Variants in CAMK2D observed in about 807,000 individuals in gnomAD.
The protein encoded by CAMK2D is calcium/calmodulin-dependent protein kinase type II subunit delta.
In CAMK2D, 37 loss-of-function variants were observed where a neutral mutation model predicts 84.0. The observed-to-expected ratio is 0.44, with a 90% CI of 0.34 to 0.58. CAMK2D has a LOEUF of 0.58. Among genes scored for constraint, CAMK2D ranks in the 20% least tolerant of loss-of-function variants. CAMK2D has a pLI of 0.02. For synonymous variants in CAMK2D, 202 were observed against 212.5 expected (o/e 0.95, Z 0.43); for missense variants, 448 against 652.5 (o/e 0.69, Z 3.41).
At chr4:113,740,567 T>A (rs1050938745) in intron 2 of CAMK2D, among the ~76,000 whole-genome samples, 3 of 151,996 alleles carry the variant, frequency 2.0e-5, no homozygotes, top group Non-Finnish European at 2.9e-5. Context: ...GACTCTTGAT[T>A]TCCCATTCCA....
rs555533507 is a variant in CAMK2D, at chr4:113,467,069, C to T, written c.1136-1465G>A. The stretch of plus-strand genomic sequence containing the variant: ...ATAAACTTTTCTTGATTTCAGAACA[C>T]TGTTCTCTTATTTATAAAATTACTG... On this transcript the variant is annotated intron_variant, in intron 16 of 20. Coordinates refer to ENST00000511664, the MANE Select transcript of CAMK2D (RefSeq NM_001321571.2). Among the ~76,000 whole-genome samples the T allele has an allele frequency of 3.9e-5, 6 of 152,308 alleles. No homozygotes were observed. The East Asian group carries it at 1.2e-3, about 29-fold the overall frequency.
At chr4:113,649,975 G>A (rs78571827) in intron 3 of CAMK2D, among the ~76,000 whole-genome samples, 10,459 of 152,080 alleles carry the variant, frequency 0.069, 568 homozygotes, top group East Asian at 0.22. Flanking sequence ...CCAGCTACTC[G>A]GGAGGCTGAG....
At chr4:113,552,720 A>G (rs1473227514) in intron 4 of CAMK2D, among the ~76,000 whole-genome samples, 1 of 152,216 alleles carries the variant, frequency 6.6e-6, no homozygotes, top group Non-Finnish European at 1.5e-5. Flanking sequence ...GCGTACATAC[A>G]TGCGTGCACA....
intron 2 of CAMK2D, among the ~76,000 whole-genome samples, chr4:113,668,157 T>C (rs932773769): frequency 1.3e-5 from 2 of 152,116 alleles, no homozygotes; most frequent in Non-Finnish European, 2.9e-5. Flanking sequence ...GAACCAAGCC[T>C]CTACTTCATT....
intron 4 of CAMK2D, among the ~76,000 whole-genome samples, chr4:113,553,812 T>C (rs2098646191): frequency 6.6e-6 from 1 of 152,194 alleles, no homozygotes; most frequent in Non-Finnish European, 1.5e-5. Flanking sequence ...AATAAGGCAA[T>C]CACACAATGT....
chr4:113,748,931 C>G (rs78470393), intron 2 of CAMK2D, among the ~76,000 whole-genome samples: 2,192 of 151,458 alleles, frequency 0.014, 42 homozygotes, highest in African/African-American at 0.05. Context: ...AATTCTATAC[C>G]TAACAAATAT....
chr4:113,600,699 C>A (rs1340361389), intron 4 of CAMK2D, among the ~76,000 whole-genome samples: 1 of 152,124 alleles, frequency 6.6e-6, no homozygotes, highest in East Asian at 1.9e-4. Context: ...GTGGCATAAT[C>A]TTGTCTCACT....
chr4:113,578,561 T>C (rs933771260), intron 4 of CAMK2D, among the ~76,000 whole-genome samples: 1 of 152,232 alleles, frequency 6.6e-6, no homozygotes, highest in Non-Finnish European at 1.5e-5. Context: ...CAGCTAGTTT[T>C]GCTCGTTTGG....
chr4:113,609,304 G>A lies in CAMK2D; in HGVS notation c.221-98C>T, dbSNP rs149258820. On this transcript the variant is annotated intron_variant, in intron 3 of 20. Transcript: ENST00000511664. ...GGACATATGTCTCCTAGCTAGAAAT[G>A]TTGGCATTACATTTTATTTTAGCCT... 1.6e-4 allele frequency: 114 copies of A among 705,710 alleles called. 1 individual carries two copies. The East Asian group carries it at 1.8e-3, about 11-fold the overall frequency. The allele number at this position is 705,710 out of a possible 1,614,324, so 43.7% of individuals were successfully genotyped here.
intron 13 of CAMK2D, among the ~76,000 whole-genome samples, chr4:113,507,669 G>GAATC (rs1371946625): frequency 6.6e-5 from 10 of 152,026 alleles, no homozygotes; most frequent in African/African-American, 2.4e-4. Context: ...AAAAAATCAT[G>GAATC]AATCAATCAA....
chr4:113,593,299 T>C (rs534950684), intron 4 of CAMK2D, among the ~76,000 whole-genome samples: 3 of 152,296 alleles, frequency 2.0e-5, no homozygotes, highest in Admixed American at 6.5e-5. Context: ...AGATCTGCCA[T>C]AGAAGTGAGT....
At chr4:113,714,895 C>T (rs754410742) in intron 2 of CAMK2D, among the ~76,000 whole-genome samples, 1 of 152,040 alleles carries the variant, frequency 6.6e-6, no homozygotes, top group African/African-American at 2.4e-5. Flanking sequence ...TTTTACCTTC[C>T]CTACATTATC....
intron 16 of CAMK2D, among the ~76,000 whole-genome samples, chr4:113,476,113 G>A (rs1414219786): frequency 6.6e-6 from 1 of 152,138 alleles, no homozygotes; most frequent in Non-Finnish European, 1.5e-5. Flanking sequence ...TGATATGTCA[G>A]GAGTATGTTG....
intron 4 of CAMK2D, among the ~76,000 whole-genome samples, chr4:113,568,441 G>A (rs139210952): frequency 1.1e-4 from 16 of 152,270 alleles, no homozygotes; most frequent in African/African-American, 3.9e-4. Flanking sequence ...ATATTGCATC[G>A]TATGTACAGG....
intron 4 of CAMK2D, among the ~76,000 whole-genome samples, chr4:113,591,581 T>TATTTTAAAAAATCAGGATCAC (rs1243094936): frequency 6.6e-6 from 1 of 152,154 alleles, no homozygotes; most frequent in Non-Finnish European, 1.5e-5. Flanking sequence ...CCCTTAACTC[T>TATTTTAAAAAATCAGGATCAC]ATTTTAAAAA....
chr4:113,527,446 T>A (rs1254440099), intron 8 of CAMK2D, among the ~76,000 whole-genome samples: 1 of 152,080 alleles, frequency 6.6e-6, no homozygotes, highest in Non-Finnish European at 1.5e-5. Flanking sequence ...TTAGACATAA[T>A]GCTATCGTAT....
chr4:113,574,602 T>C (rs2098771431), intron 4 of CAMK2D, among the ~76,000 whole-genome samples: 1 of 152,226 alleles, frequency 6.6e-6, no homozygotes, highest in Non-Finnish European at 1.5e-5. Flanking sequence ...TTTTTCACTT[T>C]TAATGCCATG....
At chr4:113,586,947 CTTTTG>C (rs2098836985) in intron 4 of CAMK2D, among the ~76,000 whole-genome samples, 1 of 152,160 alleles carries the variant, frequency 6.6e-6, no homozygotes, top group African/African-American at 2.4e-5. Context: ...CTCTTGTTAA[CTTTTG>C]TTTTAAGGAA....
chr4:113,650,736 A>G (rs986341628), intron 3 of CAMK2D, among the ~76,000 whole-genome samples: 2 of 152,224 alleles, frequency 1.3e-5, no homozygotes, highest in African/African-American at 4.8e-5. Context: ...CAAATATCCA[A>G]CACAAATTCA....
Sources: allele counts gnomAD v4.1 joint callset (sites outside exome capture counted in the v4.1 genomes callset), GRCh38; gene constraint gnomAD v4.1.1; transcripts MANE v1.5; gene names NCBI Gene and HGNC (gene_info 2026-07-23, HGNC 2026-07-21).